The following CLSTN2 variants were observed in gnomAD, a reference collection of about 807,000 sequenced individuals.
CLSTN2 encodes the protein calsyntenin-2.
A neutral mutation model predicts 101.2 loss-of-function variants in CLSTN2; 48 were observed. That is an observed-to-expected ratio of 0.47 (90% CI 0.38 to 0.60). The LOEUF is 0.60. CLSTN2 is among the 20% of genes least tolerant of loss of function. CLSTN2 has a pLI of 0.00. For missense variants in CLSTN2, 1,160 were observed against 1,238.2 expected (o/e 0.94, Z 0.95); for synonymous variants, 481 against 463.6 (o/e 1.04, Z -0.48).
At chr3:139,956,315 G>A (rs1043318910) in intron 1 of CLSTN2, among the ~76,000 whole-genome samples, 7 of 152,142 alleles carry the variant, frequency 4.6e-5, no homozygotes, top group South Asian at 4.1e-4. Context: ...CATTGAAGGC[G>A]AGACTGTGCC....
Position 140,383,090 on chromosome 3 carries a change from T to C in CLSTN2, c.233-20539T>C, listed in dbSNP as rs115142679. On this transcript the variant is annotated intron_variant, in intron 2 of 16. Coordinates refer to ENST00000458420, the MANE Select transcript of CLSTN2 (RefSeq NM_022131.3). ...CATAAACTCTAAGCATTCAAGCATA[T>C]TTCACATACACTCTGTGAGGATAGT... Among the ~76,000 whole-genome samples, 378 of 152,316 alleles carry C rather than the reference T, an allele frequency of 2.5e-3. 2 individuals carry two copies. Among genetic ancestry groups the C allele is most frequent in the African/African-American group, 8.6e-3 (358 of 41,574 alleles).
chr3:140,357,893 A>G (rs2087690496), intron 2 of CLSTN2, among the ~76,000 whole-genome samples: 2 of 152,162 alleles, frequency 1.3e-5, no homozygotes, highest in South Asian at 2.1e-4. Context: ...TCTGGATTAC[A>G]TGTCAGGAAT....
intron 2 of CLSTN2, among the ~76,000 whole-genome samples, chr3:140,305,769 A>G (rs1324611620): frequency 1.3e-5 from 2 of 152,212 alleles, no homozygotes; most frequent in African/African-American, 4.8e-5. Context: ...TTGTTAAATA[A>G]AAAAAGTGAG....
intron 2 of CLSTN2, among the ~76,000 whole-genome samples, chr3:140,375,884 G>C (rs886343266): frequency 6.6e-6 from 1 of 151,840 alleles, no homozygotes; most frequent in African/African-American, 2.4e-5. Context: ...TAGTTGTGAG[G>C]GTTTTAGAAA....
intron 8 of CLSTN2, among the ~76,000 whole-genome samples, chr3:140,467,637 T>C (rs946238912): frequency 6.6e-6 from 1 of 152,162 alleles, no homozygotes; most frequent in African/African-American, 2.4e-5. Flanking sequence ...TAAGCACTTC[T>C]GGGACCCCCA....
At chr3:140,396,894 A>G (rs775318790) in intron 2 of CLSTN2, among the ~76,000 whole-genome samples, 5 of 152,198 alleles carry the variant, frequency 3.3e-5, no homozygotes, top group Non-Finnish European at 7.3e-5. Context: ...GGTAAATTGT[A>G]AAAACAGCAG....
At chr3:140,403,394 A>T (rs750347251) in intron 2 of CLSTN2, among the ~76,000 whole-genome samples, 1 of 152,190 alleles carries the variant, frequency 6.6e-6, no homozygotes, top group Admixed American at 6.5e-5. Context: ...CACACACATC[A>T]CTTGAGGATC....
chr3:140,151,658 T>C (rs2009868598), intron 1 of CLSTN2, among the ~76,000 whole-genome samples: 1 of 152,062 alleles, frequency 6.6e-6, no homozygotes, highest in Non-Finnish European at 1.5e-5. Flanking sequence ...CTATCTCTTG[T>C]GTATAAGCTT....
At chr3:140,276,121 G>A (rs527497874) in intron 2 of CLSTN2, among the ~76,000 whole-genome samples, 9 of 152,278 alleles carry the variant, frequency 5.9e-5, no homozygotes, top group African/African-American at 2.2e-4. Flanking sequence ...CACCCAGAGA[G>A]CAAAGAATGC....
intron 2 of CLSTN2, among the ~76,000 whole-genome samples, chr3:140,206,189 T>A (rs1234941861): frequency 4.6e-5 from 7 of 152,174 alleles, no homozygotes; most frequent in African/African-American, 1.7e-4. Flanking sequence ...TGGGAGGGTG[T>A]ATTATCTGGC....
chr3:140,302,765 T>C (rs778422544), intron 2 of CLSTN2, among the ~76,000 whole-genome samples: 1 of 152,048 alleles, frequency 6.6e-6, no homozygotes, highest in Non-Finnish European at 1.5e-5. Context: ...ATAGAACAGA[T>C]AGAAGAATGC....
chr3:140,471,763 A>C (rs1045946380), intron 8 of CLSTN2, among the ~76,000 whole-genome samples: 11 of 152,216 alleles, frequency 7.2e-5, no homozygotes, highest in African/African-American at 4.8e-5. Context: ...TAGCCACTAC[A>C]CATCTATAAA....
At chr3:140,180,923 T>G (rs1279386865) in intron 2 of CLSTN2, among the ~76,000 whole-genome samples, 1 of 152,208 alleles carries the variant, frequency 6.6e-6, no homozygotes, top group Non-Finnish European at 1.5e-5. Flanking sequence ...CTCCTTATCT[T>G]GGGACCTGCC....
intron 2 of CLSTN2, among the ~76,000 whole-genome samples, chr3:140,218,561 G>T (rs140043875): frequency 1.8e-3 from 268 of 152,184 alleles, no homozygotes; most frequent in African/African-American, 5.7e-3. Flanking sequence ...TGATTTTCAA[G>T]AGGAACCTAA....
At chr3:140,145,489 C>G (rs1236619260) in intron 1 of CLSTN2, among the ~76,000 whole-genome samples, 2 of 152,236 alleles carry the variant, frequency 1.3e-5, no homozygotes, top group South Asian at 4.1e-4. Flanking sequence ...GTTCTCCAAA[C>G]AGTTTCAGCA....
chr3:140,437,844 T>C (rs1299936889), intron 5 of CLSTN2, among the ~76,000 whole-genome samples: 1 of 152,268 alleles, frequency 6.6e-6, no homozygotes, highest in Non-Finnish European at 1.5e-5. Context: ...AAATTTCCCA[T>C]AGTTCAATTA....
At chr3:140,051,473 C>T (rs1445162626) in intron 1 of CLSTN2, among the ~76,000 whole-genome samples, 3 of 152,154 alleles carry the variant, frequency 2.0e-5, no homozygotes, top group African/African-American at 4.8e-5. Flanking sequence ...TTATTCTTAC[C>T]CCGCCTGCAC....
intron 8 of CLSTN2, among the ~76,000 whole-genome samples, chr3:140,491,159 C>T (rs1013120761): frequency 6.6e-6 from 1 of 152,206 alleles, no homozygotes; most frequent in East Asian, 1.9e-4. Context: ...TTCTCTGTCT[C>T]CTGGCCAGTC....
chr3:140,187,780 T>G (rs1368707054), intron 2 of CLSTN2, among the ~76,000 whole-genome samples: 7 of 152,186 alleles, frequency 4.6e-5, no homozygotes, highest in Non-Finnish European at 8.8e-5. Context: ...ATTCAGTTCA[T>G]CAGACATCAT....
Sources: allele counts gnomAD v4.1 joint callset (sites outside exome capture counted in the v4.1 genomes callset), GRCh38; gene constraint gnomAD v4.1.1; transcripts MANE v1.5; gene names NCBI Gene and HGNC (gene_info 2026-07-23, HGNC 2026-07-21).